ANKRD28: variants seen among roughly 807,000 people sequenced by gnomAD.
The protein encoded by ANKRD28 is ankyrin repeat domain 28.
Under a neutral mutation model 126.5 loss-of-function variants are expected in ANKRD28, and 44 were observed. The ratio of observed to expected loss-of-function variants is 0.35; its 90% CI spans 0.27 to 0.45. ANKRD28 has a LOEUF of 0.45. Ranked by LOEUF, ANKRD28 falls within the 20% of genes least tolerant of loss-of-function variation. The pLI is 1.00. For synonymous variants in ANKRD28, 442 were observed against 468.5 expected (o/e 0.94, Z 0.73); for missense variants, 1,110 against 1,316.6 (o/e 0.84, Z 2.43).
At chr3:15,782,510 T>C (rs1468353481) in intron 2 of ANKRD28, among the ~76,000 whole-genome samples, 1 of 152,188 alleles carries the variant, frequency 6.6e-6, no homozygotes, top group South Asian at 2.1e-4. Context: ...ATGTGTGAAC[T>C]CTGAAAGGGT....
intron 1 of ANKRD28, among the ~76,000 whole-genome samples, chr3:15,849,035 T>C (rs1351986915): frequency 6.6e-6 from 1 of 152,222 alleles, no homozygotes; most frequent in Non-Finnish European, 1.5e-5. Flanking sequence ...TATTTCTATA[T>C]ATTACCAATA....
At chr3:15,773,585 C>A (rs2059121057) in intron 2 of ANKRD28, among the ~76,000 whole-genome samples, 1 of 152,042 alleles carries the variant, frequency 6.6e-6, no homozygotes. Context: ...AGACTGCACT[C>A]CTGCCTGGGC....
chr3:15,731,874 A>AAGG (rs1553610861), intron 6 of ANKRD28: 9 of 59,082 alleles, frequency 1.5e-4, no homozygotes, highest in Admixed American at 5.4e-4. Context: ...AAAAAAAAAA[A>AAGG]GGGGGGGGGG....
Position 15,682,736 on chromosome 3 carries a change from G to A in ANKRD28, c.2389+2490C>T, listed in dbSNP as rs140415283. 4.5e-3 allele frequency among the ~76,000 whole-genome samples: 680 copies of A among 152,224 alleles called. 8 individuals are homozygous for A. Among genetic ancestry groups the A allele is most frequent in the East Asian group, 0.023 (121 of 5,180 alleles). On this transcript the variant is annotated intron_variant, in intron 21 of 27. Transcript: ENST00000683139. ...AGCTGTACAATAATTACTAGTTAAAGTAAAAACCATTTTACATATTCTACT... is the reference window on the plus strand; with the variant it reads ...AGCTGTACAATAATTACTAGTTAAAATAAAAACCATTTTACATATTCTACT...
intron 4 of ANKRD28, among the ~76,000 whole-genome samples, chr3:15,743,545 AACACACACACACACACACACACACAC>A (rs4036221): frequency 2.8e-5 from 4 of 140,484 alleles, no homozygotes; most frequent in South Asian, 2.3e-4. Flanking sequence ...GTGGCTTTTT[AACACACACACACACACACACACACAC>A]ACACACACAC....
At chr3:15,755,362 T>C (rs1345405336) in intron 3 of ANKRD28, among the ~76,000 whole-genome samples, 4 of 152,206 alleles carry the variant, frequency 2.6e-5, no homozygotes, top group Non-Finnish European at 4.4e-5. Flanking sequence ...CAGTTGGCTG[T>C]GTTCCTGTAA....
At position 15,806,643 on chromosome 3, in the gene ANKRD28, T is replaced by C. The variant is rs191594949; in HGVS notation, c.28-11337A>G. Among the ~76,000 whole-genome samples, 185 of 152,180 alleles carry C rather than the reference T, an allele frequency of 1.2e-3. 2 individuals carry two copies. Among genetic ancestry groups the C allele is most frequent in the Non-Finnish European group, 1.0e-4 (7 of 68,014 alleles). ...TTCAAGTGATTCTCCTGCCTCAGCC[T>C]CCCGAGTAGCTGGGATTACAGGCGC... On this transcript the variant is annotated intron_variant, in intron 1 of 27. Transcript: ENST00000399451.
At chr3:15,743,204 C>G (rs1367459574) in intron 4 of ANKRD28, among the ~76,000 whole-genome samples, 4 of 152,010 alleles carry the variant, frequency 2.6e-5, no homozygotes, top group Admixed American at 6.5e-5. Context: ...CATCACCACT[C>G]CCTAATCTCA....
intron 1 of ANKRD28, among the ~76,000 whole-genome samples, chr3:15,832,819 T>C (rs79920156): frequency 0.019 from 2,953 of 152,314 alleles, 98 homozygotes; most frequent in African/African-American, 0.067. Flanking sequence ...ATTTTCTTTA[T>C]CCAATCTTCT....
chr3:15,777,089 C>T (rs1054034414), intron 2 of ANKRD28, among the ~76,000 whole-genome samples: 3 of 151,986 alleles, frequency 2.0e-5, no homozygotes, highest in Non-Finnish European at 4.4e-5. Context: ...TCCTGGTTAA[C>T]GTGGTGAAAC....
chr3:15,741,243 C>T (rs905019766), intron 4 of ANKRD28, among the ~76,000 whole-genome samples: 4 of 151,600 alleles, frequency 2.6e-5, no homozygotes, highest in Admixed American at 2.0e-4. Context: ...ATCACAATAG[C>T]AGTGATCTTT....
rs536351925 is a variant in ANKRD28 at position 15,839,035 on chromosome 3, T to G, written c.27+20342A>C. On this transcript the variant is annotated intron_variant, in intron 1 of 27. Transcript: ENST00000399451. The surrounding 1 kb of genome is among the most constrained non-coding windows in gnomAD (Gnocchi z 4.3). The stretch of plus-strand genomic sequence containing the variant: ...ATGATCACGTATCATATGACTCCAC[T>G]TATATAAAATGTCCATAAAAGTTTA... 2.6e-5 allele frequency among the ~76,000 whole-genome samples: 4 copies of G among 152,176 alleles called. No homozygotes were observed. The highest frequency in any genetic ancestry group is 4.8e-5 in the African/African-American group (2 of 41,438).
intron 1 of ANKRD28, among the ~76,000 whole-genome samples, chr3:15,849,712 T>G (rs1399668234): frequency 6.6e-6 from 1 of 152,138 alleles, no homozygotes; most frequent in Non-Finnish European, 1.5e-5. Context: ...CCTAGTTAAC[T>G]CCCCTAGAAA....
chr3:15,762,210 AAAACAAAAC>A (rs1559489154), intron 3 of ANKRD28, among the ~76,000 whole-genome samples: 8 of 28,046 alleles, frequency 2.9e-4, no homozygotes, highest in African/African-American at 5.5e-4. Flanking sequence ...AAAAAAAAAA[AAAACAAAAC>A]AAAAAAAAAA....
chr3:15,692,791 T>C (rs2068981251), intron 17 of ANKRD28, among the ~76,000 whole-genome samples: 2 of 152,254 alleles, frequency 1.3e-5, no homozygotes, highest in Admixed American at 1.3e-4. Context: ...ATTTTTAGTT[T>C]AAAAACACTA....
rs1247684771 is a variant in ANKRD28 at position 15,830,888 on chromosome 3, A to G, written c.27+28489T>C. On this transcript the variant is annotated intron_variant, in intron 1 of 27. Transcript: ENST00000399451. The surrounding 1 kb of genome is among the most constrained non-coding windows in gnomAD (Gnocchi z 4.5). Reference sequence around the variant, plus strand: ...ACATCAGCCACAGGTGTGGTCAACCATACCTATGTGACTGACTTCTCAATA... The same window carrying G: ...ACATCAGCCACAGGTGTGGTCAACCGTACCTATGTGACTGACTTCTCAATA... Among the ~76,000 whole-genome samples, 1 of 152,116 alleles carries G rather than the reference A, an allele frequency of 6.6e-6. No individual in the cohort carries two copies. The highest frequency in any genetic ancestry group is 2.4e-5 in the African/African-American group (1 of 41,406).
chr3:15,697,039 T>C (rs1467884147), intron 14 of ANKRD28, among the ~76,000 whole-genome samples: 1 of 152,160 alleles, frequency 6.6e-6, no homozygotes, highest in African/African-American at 2.4e-5. Context: ...AACAAGTCTA[T>C]TTAGGCTATC....
chr3:15,850,224 T>TATATAGAGAGAGAGAGAGAG (rs1418223588), intron 1 of ANKRD28, among the ~76,000 whole-genome samples: 9 of 35,108 alleles, frequency 2.6e-4, no homozygotes, highest in Non-Finnish European at 4.8e-4. Flanking sequence ...TATATATATA[T>TATATAGAGAGAGAGAGAGAG]AGAGAGAGAG....
chr3:15,819,225 C>A (rs992543658), intron 1 of ANKRD28, among the ~76,000 whole-genome samples: 1 of 152,108 alleles, frequency 6.6e-6, no homozygotes, highest in Non-Finnish European at 1.5e-5. Context: ...CTGTAGTGAG[C>A]TGAGAGCATG....
Sources: allele counts gnomAD v4.1 joint callset (sites outside exome capture counted in the v4.1 genomes callset), GRCh38; gene constraint gnomAD v4.1.1; non-coding constraint Gnocchi (gnomAD v3.1); transcripts MANE v1.5; gene names NCBI Gene and HGNC (gene_info 2026-07-23, HGNC 2026-07-21).